The following DRC5 variants were observed in gnomAD, a reference collection of about 807,000 sequenced individuals.
The protein encoded by DRC5 is T-complex-associated testis-expressed protein 1.
At chr6:44,297,154 G>C in the DRC5 span, among the ~76,000 whole-genome samples, 3 of 152,214 alleles carry the variant, frequency 2.0e-5, 1 homozygote, top group South Asian at 6.2e-4. Flanking sequence ...ATCCTACCTG[G>C]GGTGTAGAGG....
At chr6:44,285,736 G>A in the DRC5 span, among the ~76,000 whole-genome samples, 1 of 152,200 alleles carries the variant, frequency 6.6e-6, no homozygotes, top group Non-Finnish European at 1.5e-5. Context: ...AGGGCCTGGA[G>A]CGCAGCTGTT....
At chr6:44,286,085 T>G in the DRC5 span, 1 of 1,614,072 alleles carries the variant, frequency 6.2e-7, no homozygotes. Flanking sequence ...CAGGTCCAGC[T>G]CCTCCAGGTG....
chr6:44,280,347 G>T, the DRC5 span: 1 of 1,614,104 alleles, frequency 6.2e-7, no homozygotes, highest in Non-Finnish European at 8.5e-7. Flanking sequence ...TTCCAGGAGG[G>T]TCTTGTTGTC....
the DRC5 span, among the ~76,000 whole-genome samples, chr6:44,289,170 G>C: frequency 3.4e-5 from 5 of 149,000 alleles, no homozygotes; most frequent in African/African-American, 7.5e-5. Context: ...CCCGATTACA[G>C]GGATTACAGG....
At chr6:44,291,251 AATC>A in the DRC5 span, among the ~76,000 whole-genome samples, 1 of 152,264 alleles carries the variant, frequency 6.6e-6, no homozygotes, top group Non-Finnish European at 1.5e-5. Flanking sequence ...ATTTTCAGTT[AATC>A]ATCTCTTGAT....
At chr6:44,282,044 T>C in the DRC5 span, 1 of 1,456,272 alleles carries the variant, frequency 6.9e-7, no homozygotes, top group Non-Finnish European at 9.4e-7. Context: ...TTCACAATTA[T>C]CCCACAAGTA....
the DRC5 span, chr6:44,286,206 G>C: frequency 6.2e-7 from 1 of 1,611,714 alleles, no homozygotes; most frequent in East Asian, 2.2e-5. Flanking sequence ...TGGGCCGGGA[G>C]CTGCACCGGC....
the DRC5 span, among the ~76,000 whole-genome samples, chr6:44,289,239 G>A: frequency 6.6e-6 from 1 of 151,618 alleles, no homozygotes; most frequent in Non-Finnish European, 1.5e-5. Flanking sequence ...GTTTCACCAT[G>A]TTGGCCAGGC....
chr6:44,286,538 G>C, the DRC5 span: 2 of 1,605,432 alleles, frequency 1.2e-6, no homozygotes, highest in South Asian at 2.2e-5. Flanking sequence ...GTTTTCTTTG[G>C]GAACAGAGGA....
At chr6:44,287,882 C>T in the DRC5 span, 1 of 1,562,824 alleles carries the variant, frequency 6.4e-7, no homozygotes, top group Admixed American at 1.9e-5. Context: ...TGACAAGAAG[C>T]TTCTCAGACT....
At chr6:44,282,398 C>T in the DRC5 span, 1 of 1,614,144 alleles carries the variant, frequency 6.2e-7, no homozygotes, top group Non-Finnish European at 8.5e-7. Flanking sequence ...TGAGCACACG[C>T]AGGCGGCTGT....
the DRC5 span, among the ~76,000 whole-genome samples, chr6:44,288,398 A>G: frequency 7.9e-5 from 12 of 152,144 alleles, no homozygotes; most frequent in Non-Finnish European, 1.6e-4. Context: ...TGACTTGCCC[A>G]ATGTCATGCA....
At chr6:44,287,436 G>C in the DRC5 span, 2 of 1,143,570 alleles carry the variant, frequency 1.7e-6, no homozygotes, top group Non-Finnish European at 2.5e-6. Flanking sequence ...CCATACGGGA[G>C]AGCAGGGGCT....
the DRC5 span, chr6:44,285,881 A>C: frequency 8.0e-7 from 1 of 1,257,642 alleles, no homozygotes; most frequent in East Asian, 2.3e-5. Flanking sequence ...GGAAGAAGGC[A>C]ATAATAGAGG....
the DRC5 span, chr6:44,287,448 C>T: frequency 8.0e-7 from 1 of 1,257,798 alleles, no homozygotes; most frequent in East Asian, 2.4e-5. Context: ...GCAGGGGCTG[C>T]CCCAGGACCC....
chr6:44,294,570 C>T, the DRC5 span, among the ~76,000 whole-genome samples: 2 of 151,218 alleles, frequency 1.3e-5, no homozygotes, highest in African/African-American at 2.4e-5. Context: ...CATGGTGAAA[C>T]CCCGTCTCTA....
chr6:44,283,844 G>A, the DRC5 span, among the ~76,000 whole-genome samples: 56 of 152,262 alleles, frequency 3.7e-4, no homozygotes, highest in Non-Finnish European at 3.1e-4. Flanking sequence ...GAATTCAGGG[G>A]CCTCCTTGCT....
At chr6:44,280,519 C>G in the DRC5 span, 1,100 of 682,340 alleles carry the variant, frequency 1.6e-3, 9 homozygotes, top group African/African-American at 0.018. Flanking sequence ...CTATTTGTGA[C>G]GCATGATGAC....
the DRC5 span, among the ~76,000 whole-genome samples, chr6:44,296,450 G>A: frequency 2.6e-5 from 4 of 152,184 alleles, no homozygotes; most frequent in East Asian, 7.7e-4. Context: ...CCTGCCCCTG[G>A]CATATTCCCT....
Sources: allele counts gnomAD v4.1 joint callset (sites outside exome capture counted in the v4.1 genomes callset), GRCh38; gene constraint gnomAD v4.1.1; transcripts MANE v1.5; gene names NCBI Gene and HGNC (gene_info 2026-07-23, HGNC 2026-07-21).